The following PIK3C2G variants were observed in gnomAD, a reference collection of about 807,000 sequenced individuals.
PIK3C2G encodes phosphatidylinositol 3-kinase C2 domain-containing subunit gamma.
A neutral mutation model predicts 181.1 loss-of-function variants in PIK3C2G; 168 were observed. The ratio of observed to expected loss-of-function variants is 0.93; its 90% CI spans 0.82 to 1.05. PIK3C2G has a LOEUF of 1.05. Ranked by LOEUF, PIK3C2G falls within the 50% of genes least tolerant of loss-of-function variation. The pLI, the probability that PIK3C2G is intolerant of heterozygous loss-of-function variation, is 0.00. For missense variants in PIK3C2G, 1,869 were observed against 1,732.8 expected, an observed-to-expected ratio of 1.08 and a Z score of -1.40; for synonymous variants, 573 against 592.2, an observed-to-expected ratio of 0.97 and a Z score of 0.47.
the PIK3C2G span, chr12:18,705,097 G>T: frequency 6.4e-7 from 1 of 1,563,878 alleles, no homozygotes; most frequent in Non-Finnish European, 8.8e-7. Flanking sequence ...AGTTTCACAG[G>T]CCAATATAAC....
intron 24 of PIK3C2G, among the ~76,000 whole-genome samples, chr12:18,529,107 T>C (rs1222624381): frequency 7.1e-6 from 1 of 141,828 alleles, no homozygotes; most frequent in Non-Finnish European, 1.5e-5. Flanking sequence ...GCCTACGCTT[T>C]TTCCAGCATT....
At chr12:18,686,276 C>A in the PIK3C2G span, among the ~76,000 whole-genome samples, 1 of 152,018 alleles carries the variant, frequency 6.6e-6, no homozygotes, top group South Asian at 2.1e-4. Flanking sequence ...ACCTAACACT[C>A]AACTCTGTTA....
intron 18 of PIK3C2G, among the ~76,000 whole-genome samples, chr12:18,453,241 A>T (rs1441565133): frequency 2.6e-5 from 4 of 152,070 alleles, no homozygotes; most frequent in Middle Eastern, 3.2e-3. Flanking sequence ...GTGCTCCTGT[A>T]TTGGGTGCAT....
At chr12:18,685,844 G>GCA in the PIK3C2G span, among the ~76,000 whole-genome samples, 6,054 of 48,136 alleles carry the variant, frequency 0.13, 158 homozygotes, top group African/African-American at 0.18. Flanking sequence ...ACACACACAC[G>GCA]CGCACACACA....
intron 22 of PIK3C2G, among the ~76,000 whole-genome samples, chr12:18,501,161 C>T (rs2136105218): frequency 6.6e-6 from 1 of 152,292 alleles, no homozygotes; most frequent in East Asian, 1.9e-4. Context: ...GACCAGGAAC[C>T]CAGCAATTCC....
chr12:18,365,105 T>C (rs1338294923), intron 12 of PIK3C2G, among the ~76,000 whole-genome samples: 1 of 152,212 alleles, frequency 6.6e-6, no homozygotes, highest in East Asian at 1.9e-4. Context: ...TACTTACTGA[T>C]TAACTTGGCC....
chr12:18,352,293 A>G lies in PIK3C2G; in HGVS notation c.1625+5457A>G, dbSNP rs537933020. Among the ~76,000 whole-genome samples, 34 of 152,306 alleles carry G rather than the reference A, an allele frequency of 2.2e-4. 1 individual carries two copies. Among genetic ancestry groups the G allele is most frequent in the African/African-American group, 7.9e-4 (33 of 41,576 alleles). ...AAGTGAGTATACTTCAGTGTACTTCATCCTTAACTGGTTACTAGAGTTGAT... is the reference window on the plus strand; with the variant it reads ...AAGTGAGTATACTTCAGTGTACTTCGTCCTTAACTGGTTACTAGAGTTGAT... On this transcript the variant is annotated intron_variant, in intron 11 of 32. Coordinates refer to ENST00000538779, the MANE Select transcript of PIK3C2G (RefSeq NM_001288772.2).
At chr12:18,669,074 T>C in the PIK3C2G span, among the ~76,000 whole-genome samples, 1 of 152,226 alleles carries the variant, frequency 6.6e-6, no homozygotes, top group Non-Finnish European at 1.5e-5. Flanking sequence ...GTCTCTGTTC[T>C]GCATTTTCAT....
At chr12:18,639,159 A>T (rs1591739905) in intron 31 of PIK3C2G, among the ~76,000 whole-genome samples, 2 of 151,680 alleles carry the variant, frequency 1.3e-5, no homozygotes, top group African/African-American at 4.8e-5. Flanking sequence ...GATATATTTT[A>T]TCTTATTTGT....
chr12:18,330,063 T>C (rs1009367359), intron 8 of PIK3C2G, among the ~76,000 whole-genome samples: 2 of 152,132 alleles, frequency 1.3e-5, no homozygotes, highest in Non-Finnish European at 2.9e-5. Flanking sequence ...GAGTTCTTTA[T>C]ATATTTACCC....
At chr12:18,382,971 G>A (rs73066513) in intron 14 of PIK3C2G, among the ~76,000 whole-genome samples, 21,821 of 151,976 alleles carry the variant, frequency 0.14, 2,012 homozygotes, top group Admixed American at 0.27. Flanking sequence ...ACACCTAAAG[G>A]TCCACTTCTA....
chr12:18,692,467 TA>T, the PIK3C2G span, among the ~76,000 whole-genome samples: 9 of 152,186 alleles, frequency 5.9e-5, no homozygotes, highest in African/African-American at 2.2e-4. Flanking sequence ...GAAAAGTCTT[TA>T]CTAATGGAAA....
intron 24 of PIK3C2G, among the ~76,000 whole-genome samples, chr12:18,519,613 T>A (rs1344199770): frequency 6.6e-6 from 1 of 152,178 alleles, no homozygotes; most frequent in Admixed American, 6.5e-5. Flanking sequence ...TATGTGTCTT[T>A]GTATGTGAGA....
the PIK3C2G span, among the ~76,000 whole-genome samples, chr12:18,707,519 C>T: frequency 6.6e-6 from 1 of 152,108 alleles, no homozygotes; most frequent in Non-Finnish European, 1.5e-5. Flanking sequence ...TCTTGAAAGC[C>T]AAGCAATGTT....
chr12:18,548,582 T>C (rs1289327806), intron 26 of PIK3C2G, among the ~76,000 whole-genome samples: 2 of 152,028 alleles, frequency 1.3e-5, no homozygotes, highest in African/African-American at 4.8e-5. Flanking sequence ...CAAGAGGACA[T>C]GAACTAACGT....
chr12:18,306,037 A>C (rs1950407274), intron 5 of PIK3C2G, among the ~76,000 whole-genome samples: 1 of 151,684 alleles, frequency 6.6e-6, no homozygotes, highest in Non-Finnish European at 1.5e-5. Context: ...TGCAAACTTG[A>C]GAGTTGTTAT....
chr12:18,300,304 T>C (rs554273367), intron 5 of PIK3C2G, among the ~76,000 whole-genome samples: 19 of 152,146 alleles, frequency 1.2e-4, no homozygotes, highest in South Asian at 1.0e-3. Flanking sequence ...AATATGTATG[T>C]ACTATTTCAC....
At chr12:18,593,202 ATCAGCAATGACC>A (rs1436793577) in intron 29 of PIK3C2G, among the ~76,000 whole-genome samples, 2 of 152,076 alleles carry the variant, frequency 1.3e-5, no homozygotes, top group Non-Finnish European at 2.9e-5. Flanking sequence ...AGCTAATTAC[ATCAGCAATGACC>A]TTATTTCCAA....
rs141636859 is a variant in PIK3C2G at position 18,388,290 on chromosome 12, A to G, written c.1996-2832A>G. The stretch of plus-strand genomic sequence containing the variant: ...TTCTTTTCTTTTTTTCTTTTTTATG[A>G]GACAGTGTCTCACTCCATCACCCAA... On this transcript the variant is annotated intron_variant, in intron 14 of 32. Coordinates refer to ENST00000538779, the MANE Select transcript of PIK3C2G (RefSeq NM_001288772.2). Among the ~76,000 whole-genome samples, 22 of 151,944 alleles carry G rather than the reference A, an allele frequency of 1.4e-4. No individual in the cohort carries two copies. The East Asian group carries it at 3.5e-3, about 24-fold the overall frequency.
Sources: allele counts gnomAD v4.1 joint callset (sites outside exome capture counted in the v4.1 genomes callset), GRCh38; gene constraint gnomAD v4.1.1; transcripts MANE v1.5; gene names NCBI Gene and HGNC (gene_info 2026-07-23, HGNC 2026-07-21).